LUZP2: variants seen among roughly 807,000 people sequenced by gnomAD.
The protein encoded by LUZP2 is leucine zipper protein 2.
A neutral mutation model predicts 51.6 loss-of-function variants in LUZP2; 52 were observed. That is an observed-to-expected ratio of 1.01 (90% CI 0.81 to 1.27). LUZP2 has a LOEUF of 1.27. Ranked by LOEUF, LUZP2 falls within the 50% of genes most tolerant of loss-of-function variation. LUZP2 has a pLI of 0.00. For synonymous variants in LUZP2, 154 were observed against 137.3 expected (o/e 1.12, Z -0.85); for missense variants, 436 against 395.4 (o/e 1.10, Z -0.87).
At chr11:24,686,859 T>C (rs1037483626) in intron 1 of LUZP2, among the ~76,000 whole-genome samples, 2 of 152,166 alleles carry the variant, frequency 1.3e-5, no homozygotes, top group African/African-American at 4.8e-5. Flanking sequence ...ACCCTGCTCA[T>C]GCTGCTTCCC....
At chr11:24,808,855 A>C (rs77364575) in intron 5 of LUZP2, among the ~76,000 whole-genome samples, 1 of 152,206 alleles carries the variant, frequency 6.6e-6, no homozygotes, top group African/African-American at 2.4e-5. Context: ...TCATTAACTA[A>C]AATGACAATA....
intron 1 of LUZP2, among the ~76,000 whole-genome samples, chr11:24,508,423 C>G (rs1031343583): frequency 7.2e-5 from 11 of 152,058 alleles, no homozygotes; most frequent in African/African-American, 2.7e-4. Context: ...CTTTAAAGTT[C>G]TAACTAAAAT....
At chr11:24,892,566 G>A in intron 5 of LUZP2, 1 of 470,332 alleles carries the variant, frequency 2.1e-6, no homozygotes, top group Non-Finnish European at 2.8e-6. Flanking sequence ...TTATAGATAA[G>A]CCCTATGCTA....
At chr11:24,960,363 G>A (rs542085312) in intron 7 of LUZP2, among the ~76,000 whole-genome samples, 15 of 152,272 alleles carry the variant, frequency 9.9e-5, no homozygotes, top group African/African-American at 3.1e-4. Flanking sequence ...GAATTTGGCT[G>A]TGAATCCATC....
intron 1 of LUZP2, among the ~76,000 whole-genome samples, chr11:24,549,618 A>G (rs1318049441): frequency 6.6e-6 from 1 of 152,066 alleles, no homozygotes; most frequent in Non-Finnish European, 1.5e-5. Flanking sequence ...CATCACCACA[A>G]ACATGTAAGT....
intron 1 of LUZP2, among the ~76,000 whole-genome samples, chr11:24,552,592 C>T (rs1851752437): frequency 6.6e-6 from 1 of 151,946 alleles, no homozygotes; most frequent in Non-Finnish European, 1.5e-5. Context: ...ATAAGAACTA[C>T]TAAATGTATT....
chr11:24,741,913 TATATACATTTATATATTATATATAAATA>T (rs1859165571), intron 4 of LUZP2, among the ~76,000 whole-genome samples: 1 of 20,336 alleles, frequency 4.9e-5, no homozygotes, highest in Non-Finnish European at 1.5e-4. Context: ...TTCTATATAA[TATATACATTTATATATTATATATAAATA>T]TATACATTTA....
intron 1 of LUZP2, among the ~76,000 whole-genome samples, chr11:24,671,073 T>C (rs1331407620): frequency 4.6e-5 from 7 of 151,906 alleles, no homozygotes. Context: ...TTTTCAAAAA[T>C]TTTGGTAATT....
intron 1 of LUZP2, among the ~76,000 whole-genome samples, chr11:24,550,176 C>T (rs904127575): frequency 6.6e-6 from 1 of 151,952 alleles, no homozygotes; most frequent in Non-Finnish European, 1.5e-5. Context: ...TGTGCTAGCT[C>T]TTCTGATACT....
Position 24,497,210 on chromosome 11 carries a change from C to A in LUZP2, c.-34C>A. On this transcript the variant is annotated 5_prime_UTR_variant, in exon 1 of 12. Coordinates refer to ENST00000336930, the MANE Select transcript of LUZP2 (RefSeq NM_001009909.4). ...GGATCCCGAAGAGAGAGAGAGAAGG[C>A]AGCGAGGGAAGGAGGACCCCGGCAG... The A allele has an allele frequency of 6.7e-7, 1 of 1,503,502 alleles. No homozygotes were observed. Among genetic ancestry groups the A allele is most frequent in the Non-Finnish European group, 9.0e-7 (1 of 1,116,736 alleles). 93.1% of individuals were successfully genotyped at this position (1,503,502 alleles called of 1,614,324 possible). A position where few individuals can be genotyped will look rare whatever the true frequency, so the allele number is the denominator to read the frequency against.
rs187370009 is a variant in LUZP2 at position 24,940,659 on chromosome 11, G to A, written c.522+26121G>A. On this transcript the variant is annotated intron_variant, in intron 7 of 11. Coordinates refer to ENST00000336930, the MANE Select transcript of LUZP2 (RefSeq NM_001009909.4). ...TAATAGCTTCTGGCACATATTAAGT[G>A]CACAATAATATTAGCTATTATTGTT... is the stretch of plus-strand genomic sequence containing the variant. Among the ~76,000 whole-genome samples the A allele has an allele frequency of 1.7e-3, 259 of 152,190 alleles. 3 individuals are homozygous for A. Among genetic ancestry groups the A allele is most frequent in the African/African-American group, 6.0e-3 (248 of 41,530 alleles).
At chr11:24,663,292 G>T (rs768632209) in intron 1 of LUZP2, among the ~76,000 whole-genome samples, 1 of 151,992 alleles carries the variant, frequency 6.6e-6, no homozygotes, top group Admixed American at 6.6e-5. Context: ...TTTAAAAGTT[G>T]TTTGTGGCAC....
intron 1 of LUZP2, among the ~76,000 whole-genome samples, chr11:24,543,656 A>G: frequency 6.6e-6 from 1 of 151,874 alleles, no homozygotes; most frequent in East Asian, 2.0e-4. Flanking sequence ...TTCCGTCTCT[A>G]CTAAAAATAC....
rs553696425 is a variant in LUZP2, at chr11:25,081,029, A to ATTTTTTTTTTTTTTTTTTTTTTTTTTT, written c.*2392_*2393insTTTTTTTTTTTTTTTTTTTTTTTTTTT. On this transcript the variant is annotated 3_prime_UTR_variant, in exon 12 of 12. Coordinates refer to ENST00000336930, the MANE Select transcript of LUZP2 (RefSeq NM_001009909.4). Reference sequence around the variant, plus strand: ...ATCAAGTGGGCTTTGGATCCATATGATTTTTTTTTTTTTTTTTTTTTGAGA... The same window carrying ATTTTTTTTTTTTTTTTTTTTTTTTTTT: ...ATCAAGTGGGCTTTGGATCCATATGATTTTTTTTTTTTTTTTTTTTTTTTTTTTTTTTTTTTTTTTTTTTTTTTGAGA... 1 of 100,706 alleles carries ATTTTTTTTTTTTTTTTTTTTTTTTTTT rather than the reference A, an allele frequency of 9.9e-6. No homozygotes were observed. Among genetic ancestry groups the ATTTTTTTTTTTTTTTTTTTTTTTTTTT allele is most frequent in the African/African-American group, 3.8e-5 (1 of 26,512 alleles). The allele number at this position is 100,706 out of a possible 1,614,324, so 6.2% of individuals were successfully genotyped here.
intron 5 of LUZP2, among the ~76,000 whole-genome samples, chr11:24,816,362 A>G (rs2134147643): frequency 6.6e-6 from 1 of 152,176 alleles, no homozygotes; most frequent in Middle Eastern, 3.4e-3. Flanking sequence ...GCAATGCATG[A>G]TAAATTAGGT....
chr11:24,498,114 T>C (rs1849885181), intron 1 of LUZP2, among the ~76,000 whole-genome samples: 1 of 152,226 alleles, frequency 6.6e-6, no homozygotes, highest in African/African-American at 2.4e-5. Context: ...TTTGCTTTTT[T>C]CTTCCACAAG....
chr11:24,515,081 C>T (rs1850422858), intron 1 of LUZP2, among the ~76,000 whole-genome samples: 2 of 152,158 alleles, frequency 1.3e-5, no homozygotes, highest in Admixed American at 1.3e-4. Context: ...TTACCATTTC[C>T]CCGATTTCAG....
intron 1 of LUZP2, among the ~76,000 whole-genome samples, chr11:24,710,123 G>A (rs1857757361): frequency 6.6e-6 from 1 of 152,108 alleles, no homozygotes; most frequent in Non-Finnish European, 1.5e-5. Flanking sequence ...AGTGTCTTCA[G>A]TAGTGAAAGT....
intron 1 of LUZP2, among the ~76,000 whole-genome samples, chr11:24,677,643 T>C (rs1398745840): frequency 6.6e-6 from 1 of 152,242 alleles, no homozygotes; most frequent in Non-Finnish European, 1.5e-5. Context: ...CTTTATTCAT[T>C]TTCTTTAAAT....
Sources: allele counts gnomAD v4.1 joint callset (sites outside exome capture counted in the v4.1 genomes callset), GRCh38; gene constraint gnomAD v4.1.1; transcripts MANE v1.5; gene names NCBI Gene and HGNC (gene_info 2026-07-23, HGNC 2026-07-21).